SNCAIP: variants seen among roughly 807,000 people sequenced by gnomAD.
SNCAIP encodes synphilin-1.
In SNCAIP, 43 loss-of-function variants were observed where a neutral mutation model predicts 86.7. That is an observed-to-expected ratio of 0.50 (90% CI 0.39 to 0.64). SNCAIP has a LOEUF of 0.64. Ranked by LOEUF, SNCAIP falls within the 30% of genes least tolerant of loss-of-function variation. The pLI, the probability that SNCAIP is intolerant of heterozygous loss-of-function variation, is 0.00. For missense variants in SNCAIP, 981 were observed against 1,103.1 expected (o/e 0.89, Z 1.57); for synonymous variants, 417 against 427.2 (o/e 0.98, Z 0.29).
At chr5:122,368,900 T>C (rs1269973108) in intron 1 of SNCAIP, among the ~76,000 whole-genome samples, 1 of 152,178 alleles carries the variant, frequency 6.6e-6, no homozygotes, top group African/African-American at 2.4e-5. Context: ...TAGGCAGCCA[T>C]TGATTACACA....
At chr5:122,434,864 C>T (rs1779071989) in intron 6 of SNCAIP, among the ~76,000 whole-genome samples, 1 of 152,150 alleles carries the variant, frequency 6.6e-6, no homozygotes, top group African/African-American at 2.4e-5. Context: ...TTTCTACATC[C>T]AGCAGGCATT....
intron 5 of SNCAIP, among the ~76,000 whole-genome samples, chr5:122,428,813 A>C (rs914654204): frequency 1.3e-5 from 2 of 151,772 alleles, no homozygotes; most frequent in Non-Finnish European, 2.9e-5. Context: ...TTATTGTTCA[A>C]TTCCCACCTA....
chr5:122,396,775 T>C (rs1217955873), intron 2 of SNCAIP, among the ~76,000 whole-genome samples: 1 of 152,150 alleles, frequency 6.6e-6, no homozygotes, highest in Non-Finnish European at 1.5e-5. Flanking sequence ...AGTGAGTCCT[T>C]GTATTTTGAC....
intron 4 of SNCAIP, among the ~76,000 whole-genome samples, chr5:122,425,108 C>A (rs1159115179): frequency 6.6e-6 from 1 of 152,212 alleles, no homozygotes; most frequent in African/African-American, 2.4e-5. Flanking sequence ...AACTTGAAGC[C>A]TCCACACCTC....
At chr5:122,353,714 T>G (rs191384905) in intron 1 of SNCAIP, among the ~76,000 whole-genome samples, 18 of 152,322 alleles carry the variant, frequency 1.2e-4, no homozygotes, top group Admixed American at 9.8e-4. Flanking sequence ...AGACATGACT[T>G]GCTCCTCCTT....
chr5:122,354,929 T>A (rs1251365106), intron 1 of SNCAIP, among the ~76,000 whole-genome samples: 1 of 152,216 alleles, frequency 6.6e-6, no homozygotes, highest in African/African-American at 2.4e-5. Flanking sequence ...AAAGAAAATA[T>A]GTTTGTTTTT....
At chr5:122,385,561 G>A (rs537236732) in intron 1 of SNCAIP, among the ~76,000 whole-genome samples, 1 of 152,198 alleles carries the variant, frequency 6.6e-6, no homozygotes, top group Middle Eastern at 3.4e-3. Flanking sequence ...TACTTATTTT[G>A]TGATCATTTT....
intron 1 of SNCAIP, among the ~76,000 whole-genome samples, chr5:122,359,642 G>A (rs1761825935): frequency 6.6e-6 from 1 of 152,004 alleles, no homozygotes; most frequent in Non-Finnish European, 1.5e-5. Flanking sequence ...TAGGATTACA[G>A]GTGTGAGCCA....
At position 122,450,838 on chromosome 5, in the gene SNCAIP, T is replaced by A; in HGVS notation, c.1991T>A (p.Leu664Ter). ...CCACTGGAGAAGAGGGAACTGAAGT[T>A]AGCCAGGCTGAGACAGCTGATGCAG... ...KIPLEKRELK[L>*]ARLRQLMQRS... Residue 664 changes from leucine to a stop codon, truncating the protein, a stop_gained, in exon 10 of 11, where the codon TTA (leucine) becomes TAA (stop). Transcript: ENST00000261368. LOFTEE classifies it high-confidence loss of function. 6.2e-7 allele frequency: 1 copy of A among 1,614,098 alleles called. No individual in the cohort carries two copies. Among genetic ancestry groups the A allele is most frequent in the Non-Finnish European group, 8.5e-7 (1 of 1,180,010 alleles).
chr5:122,436,803 A>G (rs1252636549), intron 6 of SNCAIP: 1 of 152,206 alleles, frequency 6.6e-6, no homozygotes, highest in East Asian at 1.9e-4. Flanking sequence ...CATAAATCAC[A>G]TGAGATAATT....
Position 122,397,268 on chromosome 5 carries a change from C to T in SNCAIP, c.57+6077C>T, listed in dbSNP as rs138662837. ...GCCCCATGGTCACCTCTGGTTTTCC[C>T]AGTTCAGGTAGGTCTCTTCTCCATC... On this transcript the variant is annotated intron_variant, in intron 2 of 10. Coordinates refer to ENST00000261368, the MANE Select transcript of SNCAIP (RefSeq NM_005460.4). Among the ~76,000 whole-genome samples, 487 of 152,218 alleles carry T rather than the reference C, an allele frequency of 3.2e-3. 3 individuals are homozygous for T. The highest frequency in any genetic ancestry group is 0.011 in the African/African-American group (468 of 41,534).
At chr5:122,361,167 GT>G (rs1291053788) in intron 1 of SNCAIP, among the ~76,000 whole-genome samples, 1 of 143,008 alleles carries the variant, frequency 7.0e-6, no homozygotes, top group African/African-American at 2.6e-5. Context: ...ATCAAAGATA[GT>G]CATTTTTGAA....
chr5:122,460,082 T>C (rs1415350975), intron 10 of SNCAIP, among the ~76,000 whole-genome samples: 2 of 152,096 alleles, frequency 1.3e-5, no homozygotes, highest in Non-Finnish European at 2.9e-5. Context: ...TTTACACATA[T>C]GTACTATTTT....
Position 122,440,771 on chromosome 5 carries a change from GT to G in SNCAIP, c.1422+21del. 1.2e-6 allele frequency: 2 copies of G among 1,612,346 alleles called. No individual in the cohort carries two copies. Among genetic ancestry groups the G allele is most frequent in the Non-Finnish European group, 1.7e-6 (2 of 1,178,382 alleles). On this transcript the variant is annotated intron_variant, in intron 7 of 10. Transcript: ENST00000261368. ...TGCATACAGGTACACAGGCCCTGCTGTTTTGCAATGAGAAATGAGTATATCA... is the reference window on the plus strand; with the variant it reads ...TGCATACAGGTACACAGGCCCTGCTGTTTGCAATGAGAAATGAGTATATCA...
intron 10 of SNCAIP, among the ~76,000 whole-genome samples, chr5:122,462,338 C>A (rs973217471): frequency 2.0e-5 from 3 of 152,080 alleles, no homozygotes; most frequent in Non-Finnish European, 4.4e-5. Flanking sequence ...TCTGTTGTAT[C>A]CTCTCCTCCC....
chr5:122,457,873 T>C (rs1273941415), intron 10 of SNCAIP, among the ~76,000 whole-genome samples: 1 of 152,162 alleles, frequency 6.6e-6, no homozygotes, highest in Non-Finnish European at 1.5e-5. Context: ...TTACAGGGAA[T>C]TGTTGCCAAT....
In SNCAIP at chr5:122,463,618, A is replaced by C; in HGVS notation, c.*122A>C. ...CTCTCACTGATGCCCTTTGGAAATT[A>C]TTGGAAATTTCTGGACTATCCTCTT... On this transcript the variant is annotated 3_prime_UTR_variant, in exon 11 of 11. Transcript: ENST00000261368. 1 of 1,082,716 alleles carries C rather than the reference A, an allele frequency of 9.2e-7. No individual in the cohort carries two copies. The highest frequency in any genetic ancestry group is 1.4e-6 in the Non-Finnish European group (1 of 719,006). The allele number at this position is 1,082,716 out of a possible 1,614,324, so 67.1% of individuals were successfully genotyped here.
intron 5 of SNCAIP, among the ~76,000 whole-genome samples, chr5:122,428,123 G>A (rs62381692): frequency 0.065 from 9,826 of 152,232 alleles, 433 homozygotes; most frequent in Middle Eastern, 0.099. Context: ...AAATAGTCTA[G>A]GAATGAAATA....
intron 1 of SNCAIP, among the ~76,000 whole-genome samples, chr5:122,385,735 T>C (rs1421837850): frequency 6.6e-6 from 1 of 151,972 alleles, no homozygotes; most frequent in Non-Finnish European, 1.5e-5. Flanking sequence ...AGCGGCTGTG[T>C]TTTTCTAAGA....
Sources: allele counts gnomAD v4.1 joint callset (sites outside exome capture counted in the v4.1 genomes callset), GRCh38; gene constraint gnomAD v4.1.1; transcripts MANE v1.5; gene names NCBI Gene and HGNC (gene_info 2026-07-23, HGNC 2026-07-21).